Variants in ENDOG observed in about 807,000 individuals in gnomAD.
The protein encoded by ENDOG is endonuclease G, also known as endonuclease G, mitochondrial.
ENDOG carries 22 observed loss-of-function variants against 22.6 expected under a neutral mutation model. That is an observed-to-expected ratio of 0.97 (90% confidence interval 0.70 to 1.39). The LOEUF (loss-of-function observed/expected upper bound fraction) is 1.39. Ranked by LOEUF, ENDOG falls within the 40% of genes most tolerant of loss-of-function variation. ENDOG has a pLI of 0.00. For missense variants in ENDOG, 403 were observed against 431.3 expected, an observed-to-expected ratio of 0.93 and a Z score of 0.58; for synonymous variants, 173 against 200.2, an observed-to-expected ratio of 0.86 and a Z score of 1.15.
intron 1 of ENDOG, among the ~76,000 whole-genome samples, chr9:128,819,480 C>T (rs1298317111): frequency 6.6e-6 from 1 of 152,182 alleles, no homozygotes. Flanking sequence ...AGTGATGAGG[C>T]GCTGAGGCTC....
At chr9:128,821,118 T>A in intron 2 of ENDOG, 1 of 500,334 alleles carries the variant, frequency 2.0e-6, no homozygotes, top group Non-Finnish European at 3.6e-6. Flanking sequence ...TGTCACCTCT[T>A]GGCATGCCCA....
Position 128,819,095 on chromosome 9 carries a change from C to T in ENDOG, c.411C>T (p.Phe137=), listed in dbSNP as rs1410838818. 3 of 1,519,510 alleles carry T rather than the reference C, an allele frequency of 2.0e-6. No individual in the cohort carries two copies. The highest frequency in any genetic ancestry group is 1.4e-5 in the African/African-American group (1 of 69,420). The allele number at this position is 1,519,510 out of a possible 1,614,324, so 94.1% of individuals were successfully genotyped here. ...ATNADYRGSG[F]DRGHLAAAAN... Reference sequence around the variant, plus strand: ...ACGCCGACTACCGCGGCAGTGGCTTCGACCGCGGTCACCTGGCCGCCGCCG... The same window carrying T: ...ACGCCGACTACCGCGGCAGTGGCTTTGACCGCGGTCACCTGGCCGCCGCCG... The change falls in exon 1 of 3, where the codon TTC becomes TTT. Residue 137 remains phenylalanine (F), a synonymous_variant. Coordinates refer to ENST00000372642, the MANE Select transcript of ENDOG (RefSeq NM_004435.2).
Position 128,820,756 on chromosome 9 carries a change from G to T in ENDOG, c.519G>T (p.Gln173His). 6.2e-7 allele frequency: 1 copy of T among 1,611,270 alleles called. No individual in the cohort carries two copies. The highest frequency in any genetic ancestry group is 8.5e-7 in the Non-Finnish European group (1 of 1,178,698). The change falls in exon 2 of 3, where the codon CAG becomes CAT. Residue 173 changes from glutamine to histidine, a missense_variant. Physicochemically the swap from Gln to His is conservative, Grantham distance 24. Transcript: ENST00000372642. ...CCTACCAGGTGCCCCACCTCAACCA[G>T]AATGCCTGGAACAACCTGGAGAAAT... ...NVAPQVPHLN[Q>H]NAWNNLEKYS...
rs1830096801 is a variant in ENDOG, at chr9:128,820,798, C to G, written c.561C>G (p.Thr187=). ...TGGAGAAATATAGCCGCAGCTTGACCCGCAGCTACCAAAACGTCTATGTCT... is the reference window on the plus strand; with the variant it reads ...TGGAGAAATATAGCCGCAGCTTGACGCGCAGCTACCAAAACGTCTATGTCT... ...NNLEKYSRSL[T]RSYQNVYVCT... The change falls in exon 2 of 3, where the codon ACC becomes ACG. Residue 187 remains threonine, a synonymous_variant. Transcript: ENST00000372642. The G allele has an allele frequency of 6.2e-7, 1 of 1,612,528 alleles. No individual in the cohort carries two copies. The highest frequency in any genetic ancestry group is 8.5e-7 in the Non-Finnish European group (1 of 1,179,374).
In ENDOG at chr9:128,818,983, G is replaced by C. The variant is rs1215822954; in HGVS notation, c.299G>C (p.Arg100Pro). ...GCGCTCTGGGTGGTGGAGCAGCTGC[G>C]ACCCGAGCGTCTCCGCGGCGACGGC... ...RGALWVVEQLRPERLRGDGDR... is the reference protein window; with the variant it reads ...RGALWVVEQLPPERLRGDGDR... The change falls in exon 1 of 3, where the codon CGA becomes CCA. Residue 100 changes from arginine to proline, a missense_variant. By Grantham distance (103) the Arg-to-Pro change is moderately radical (BLOSUM62 -2). Transcript: ENST00000372642. 9 of 1,488,722 alleles carry C rather than the reference G, an allele frequency of 6.0e-6. No individual in the cohort carries two copies. The highest frequency in any genetic ancestry group is 1.5e-5 in the African/African-American group (1 of 68,288). 92.2% of individuals were successfully genotyped at this position (1,488,722 alleles called of 1,614,324 possible).
At chr9:128,820,280 A>G (rs1830082542) in intron 1 of ENDOG, 1 of 156,990 alleles carries the variant, frequency 6.4e-6, no homozygotes, top group Non-Finnish European at 1.4e-5. Context: ...CCTTCTGGGA[A>G]GACAGCCCCC....
chr9:128,819,005 C>T lies in ENDOG; in HGVS notation c.321C>T (p.Asp107=). 2.7e-6 allele frequency: 4 copies of T among 1,482,910 alleles called. No individual in the cohort carries two copies. Among genetic ancestry groups the T allele is most frequent in the African/African-American group, 1.5e-5 (1 of 68,292 alleles). The allele number at this position is 1,482,910 out of a possible 1,614,324, so 91.9% of individuals were successfully genotyped here. The change falls in exon 1 of 3, where the codon GAC becomes GAT. Residue 107 remains aspartate, a synonymous_variant. Transcript: ENST00000372642. ...TGCGACCCGAGCGTCTCCGCGGCGACGGCGACCGGCGCGAGTGCGACTTCC... is the reference window on the plus strand; with the variant it reads ...TGCGACCCGAGCGTCTCCGCGGCGATGGCGACCGGCGCGAGTGCGACTTCC... ...EQLRPERLRG[D]GDRRECDFRE...
intron 1 of ENDOG, 118 bp downstream of exon 1, chr9:128,819,303 C>T: frequency 4.5e-6 from 6 of 1,338,960 alleles, no homozygotes; most frequent in South Asian, 1.7e-5. Context: ...GGTCAGGCAT[C>T]GCAGTGACAT....
chr9:128,821,949 T>C (rs1830127658), intron 2 of ENDOG: 2 of 238,228 alleles, frequency 8.4e-6, no homozygotes, highest in Admixed American at 1.0e-4. Flanking sequence ...TCCTGGCACC[T>C]GTGCTGGTGC....
chr9:128,822,129 A>G, intron 2 of ENDOG, 199 bp from the exon 3 acceptor site: 1 of 631,476 alleles, frequency 1.6e-6, no homozygotes, highest in Non-Finnish European at 2.7e-6. Context: ...GCATAAGGAA[A>G]ACAGAGGGAA....
chr9:128,820,488 C>A, intron 1 of ENDOG: 1 of 499,466 alleles, frequency 2.0e-6, no homozygotes, highest in Non-Finnish European at 3.6e-6. Flanking sequence ...CAGGCTCTTC[C>A]TTCATTCGAC....
intron 2 of ENDOG, chr9:128,821,199 C>T (rs137971010): frequency 4.1e-4 from 126 of 305,120 alleles, no homozygotes; most frequent in South Asian, 1.1e-3. Flanking sequence ...ACCTTCCCCC[C>T]GCAGGTCTGC....
At position 128,821,928 on chromosome 9, in the gene ENDOG, C is replaced by T. The variant is rs867637828; in HGVS notation, c.612-400C>T. The T allele has an allele frequency of 3.2e-4, 69 of 216,068 alleles. No individual in the cohort carries two copies. The East Asian group carries it at 7.4e-3, about 23-fold the overall frequency. 13.4% of individuals were successfully genotyped at this position (216,068 alleles called of 1,614,324 possible). A position where few individuals can be genotyped will look rare whatever the true frequency, so the allele number is the denominator to read the frequency against. On this transcript the variant is annotated intron_variant, in intron 2 of 2. Coordinates refer to ENST00000372642, the MANE Select transcript of ENDOG (RefSeq NM_004435.2). ...GAGGAGACTCTGCTGAGGGGGAGCC[C>T]CCGTCCGGTGTCCTGGCACCTGTGC...
chr9:128,819,989 A>T (rs1830076050), intron 1 of ENDOG: 1 of 152,016 alleles, frequency 6.6e-6, no homozygotes, highest in Non-Finnish European at 1.5e-5. Flanking sequence ...CCTGCTGCTC[A>T]CCTCCTGCTG....
rs1289376407 is a variant in ENDOG, at chr9:128,819,183, C to G, written c.499C>G (p.Gln167Glu). The stretch of plus-strand genomic sequence containing the variant: ...GTTCTACCTGAGCAACGTCGCGCCC[C>G]AGGTAGCGCCCGCGCCCCGGGCCGG... ...DTFYLSNVAP[Q>E]VPHLNQNAWN... The change falls in exon 1 of 3, where the codon CAG becomes GAG. Residue 167 changes from glutamine to glutamate, a missense_variant and splice_region_variant. Gln to Glu is a conservative substitution (Grantham distance 29). Transcript: ENST00000372642. The G allele has an allele frequency of 3.4e-6, 5 of 1,478,950 alleles. No homozygotes were observed. Among genetic ancestry groups the G allele is most frequent in the Non-Finnish European group, 4.5e-6 (5 of 1,120,922 alleles). 91.6% of individuals were successfully genotyped at this position (1,478,950 alleles called of 1,614,324 possible). A position where few individuals can be genotyped will look rare whatever the true frequency, so the allele number is the denominator to read the frequency against.
chr9:128,819,466 C>T (rs1397945326), intron 1 of ENDOG, among the ~76,000 whole-genome samples: 1 of 152,162 alleles, frequency 6.6e-6, no homozygotes, highest in Non-Finnish European at 1.5e-5. Flanking sequence ...CTTCCTCCTG[C>T]GGTAGTGATG....
Position 128,822,551 on chromosome 9 carries a change from G to T in ENDOG, c.835G>T (p.Val279Leu). The T allele has an allele frequency of 6.4e-7, 1 of 1,562,586 alleles. No individual in the cohort carries two copies. Among genetic ancestry groups the T allele is most frequent in the Non-Finnish European group, 8.7e-7 (1 of 1,153,034 alleles). Residue 279 changes from valine to leucine, a missense_variant, in exon 3 of 3, where the codon GTG becomes TTG. Physicochemically the swap from Val to Leu is conservative, Grantham distance 32 (BLOSUM62 1). Transcript: ENST00000372642. ...SIERASGLLF[V>L]PNILARAGSL... ...TGAGCGGGCTTCGGGGCTGCTCTTT[G>T]TGCCAAACATCCTGGCGCGGGCAGG...
In ENDOG at chr9:128,818,837, GCC is replaced by G; in HGVS notation, c.157_158del (p.Pro53CysfsTer130). 1 of 1,340,176 alleles carries G rather than the reference GCC, an allele frequency of 7.5e-7. No individual in the cohort carries two copies. The highest frequency in any genetic ancestry group is 9.5e-7 in the Non-Finnish European group (1 of 1,049,930). The allele number at this position is 1,340,176 out of a possible 1,614,324, so 83.0% of individuals were successfully genotyped here. A position where few individuals can be genotyped will look rare whatever the true frequency, so the allele number is the denominator to read the frequency against. ...TGCCCGTGGCGGCGGCAGCCGAGTT[GCC>G]CCCTGTGCCCGGGGGACCCCGCGGC... is the stretch of plus-strand genomic sequence containing the variant. The part of the protein sequence containing the change: ...VLPVAAAAEL[P>X]PVPGGPRGPG... On this transcript the variant is annotated frameshift_variant, in exon 1 of 3. Coordinates refer to ENST00000372642, the MANE Select transcript of ENDOG (RefSeq NM_004435.2). LOFTEE classifies it high-confidence loss of function.
chr9:128,819,599 G>C (rs868392528), intron 1 of ENDOG: 11 of 186,102 alleles, frequency 5.9e-5, no homozygotes, highest in Non-Finnish European at 1.1e-4. Flanking sequence ...GTGGAAGACA[G>C]TTTTTCCACG....
Sources: gnomAD v4.1 joint callset for allele counts (sites outside exome capture counted in the v4.1 genomes callset) on GRCh38, gnomAD v4.1.1 for gene constraint, MANE v1.5 for transcripts, NCBI Gene and HGNC (gene_info 2026-07-23, HGNC 2026-07-21) for gene names.